The following OR1J4 variants were observed in gnomAD, a reference collection of about 807,000 sequenced individuals.
OR1J4 encodes the protein olfactory receptor family 1 subfamily J member 4.
For missense variants in OR1J4, 350 were observed against 371.1 expected, an observed-to-expected ratio of 0.94 and a Z score of 0.47; for synonymous variants, 154 against 152.6, an observed-to-expected ratio of 1.01 and a Z score of -0.07.
At position 122,519,188 on chromosome 9, in the gene OR1J4, C is replaced by A; in HGVS notation, c.48C>A (p.Asp16Glu). The stretch of plus-strand genomic sequence containing the variant: ...GTGTGTCTGAGTTCCTCCTCCTGGA[C>A]CTCCCCATCTGGCCAGAGCAGCAGG... ...QSSVSEFLLL[D>E]LPIWPEQQAV... Residue 16 changes from aspartate to glutamate, a missense_variant, in exon 1 of 1, where the codon GAC (aspartate) becomes GAA (glutamate). Coordinates refer to ENST00000340750, the MANE Select transcript of OR1J4 (RefSeq NM_001004452.1). The A allele has an allele frequency of 6.2e-7, 1 of 1,613,482 alleles. No homozygotes were observed. Among genetic ancestry groups the A allele is most frequent in the Non-Finnish European group, 8.5e-7 (1 of 1,179,558 alleles).
chr9:122,519,641 C>T lies in OR1J4; in HGVS notation c.501C>T (p.Ser167=), dbSNP rs1828749001. The T allele has an allele frequency of 6.2e-7, 1 of 1,614,152 alleles. No individual in the cohort carries two copies. The highest frequency in any genetic ancestry group is 8.5e-7 in the Non-Finnish European group (1 of 1,180,026). ...LSHTLLLAQL[S]FCADNTIPHF... is the part of the protein sequence containing the mutation. ...ACACTCTCCTCCTGGCCCAGCTGTC[C>T]TTTTGTGCTGACAACACCATCCCCC... The change falls in exon 1 of 1, where the codon TCC becomes TCT. Residue 167 remains serine (S), a synonymous_variant. Transcript: ENST00000340750.
chr9:122,519,750 C>T lies in OR1J4; in HGVS notation c.610C>T (p.Gln204Ter). The T allele has an allele frequency of 4.3e-6, 7 of 1,614,160 alleles. No individual in the cohort carries two copies. The highest frequency in any genetic ancestry group is 5.9e-6 in the Non-Finnish European group (7 of 1,180,006). The change falls in exon 1 of 1, where the codon CAG becomes TAG. Residue 204 changes from glutamine (Q) to a stop codon, truncating the protein, a stop_gained. Coordinates refer to ENST00000340750, the MANE Select transcript of OR1J4 (RefSeq NM_001004452.1). LOFTEE classifies it low-confidence loss of function (END_TRUNC). ...LNELVIFTVG[Q>*]AVITLPLICI... ...TGAGCTGGTCATTTTCACAGTGGGA[C>T]AGGCAGTCATTACTCTACCACTAAT...
At position 122,519,782 on chromosome 9, in the gene OR1J4, C is replaced by A. The variant is rs1195108062; in HGVS notation, c.642C>A (p.Ile214=). Residue 214 remains isoleucine (I), a synonymous_variant, in exon 1 of 1, where the codon ATC becomes ATA. Transcript: ENST00000340750. ...QAVITLPLIC[I]LISYGHIGVT... is the part of the protein sequence containing the mutation. ...TCATTACTCTACCACTAATATGCAT[C>A]TTGATCTCTTATGGCCACATTGGGG... 2.5e-6 allele frequency: 4 copies of A among 1,614,206 alleles called. No individual in the cohort carries two copies. The highest frequency in any genetic ancestry group is 3.4e-6 in the Non-Finnish European group (4 of 1,180,032).
Position 122,519,381 on chromosome 9 carries a change from A to T in OR1J4, c.241A>T (p.Met81Leu), listed in dbSNP as rs201245467. ...CCTTTCATCTGTCACTGTCCCAAAG[A>T]TGTTATTAAGCATGCAAACTCAGGA... The part of the protein sequence containing the change: ...ISLSSVTVPK[M>L]LLSMQTQDQS... The change falls in exon 1 of 1, where the codon ATG becomes TTG. Residue 81 changes from methionine (M) to leucine (L), a missense_variant. Met to Leu is a conservative substitution (Grantham distance 15). Coordinates refer to ENST00000340750, the MANE Select transcript of OR1J4 (RefSeq NM_001004452.1). 6 of 1,614,100 alleles carry T rather than the reference A, an allele frequency of 3.7e-6. No homozygotes were observed. The highest frequency in any genetic ancestry group is 2.7e-5 in the African/African-American group (2 of 75,006).
chr9:122,519,396 C>G lies in OR1J4; in HGVS notation c.256C>G (p.Gln86Glu). ...TGTCCCAAAGATGTTATTAAGCATG[C>G]AAACTCAGGATCAATCCATTCTTTA... Reference protein sequence around the residue: ...VTVPKMLLSMQTQDQSILYAG... With the variant: ...VTVPKMLLSMETQDQSILYAG... Residue 86 changes from glutamine (Q) to glutamate (E), a missense_variant, in exon 1 of 1, where the codon CAA becomes GAA. Coordinates refer to ENST00000340750, the MANE Select transcript of OR1J4 (RefSeq NM_001004452.1). 6.2e-7 allele frequency: 1 copy of G among 1,614,162 alleles called. No individual in the cohort carries two copies. The highest frequency in any genetic ancestry group is 8.5e-7 in the Non-Finnish European group (1 of 1,180,006).
At position 122,519,342 on chromosome 9, in the gene OR1J4, C is replaced by G; in HGVS notation, c.202C>G (p.Leu68Val). ...GTTCTTCTTCCTCAGCCACTTGGCT[C>G]TCACTGACATCTCCCTTTCATCTGT... ...PMFFFLSHLALTDISLSSVTV... is the reference protein window; with the variant it reads ...PMFFFLSHLAVTDISLSSVTV... Residue 68 changes from leucine to valine, a missense_variant, in exon 1 of 1, where the codon CTC (leucine) becomes GTC (valine). Transcript: ENST00000340750. 6.2e-7 allele frequency: 1 copy of G among 1,614,188 alleles called. No homozygotes were observed. Among genetic ancestry groups the G allele is most frequent in the Non-Finnish European group, 8.5e-7 (1 of 1,180,046 alleles).
Position 122,519,667 on chromosome 9 carries a change from A to G in OR1J4, c.527A>G (p.His176Arg). ...LSFCADNTIP[H>R]FFCDLVALLK... ...TTTTGTGCTGACAACACCATCCCCCATTTCTTCTGTGATCTTGTTGCCCTA... is the reference window on the plus strand; with the variant it reads ...TTTTGTGCTGACAACACCATCCCCCGTTTCTTCTGTGATCTTGTTGCCCTA... Residue 176 changes from histidine to arginine, a missense_variant, in exon 1 of 1, where the codon CAT becomes CGT. Transcript: ENST00000340750. The G allele has an allele frequency of 6.2e-7, 1 of 1,613,190 alleles. No individual in the cohort carries two copies. Among genetic ancestry groups the G allele is most frequent in the Non-Finnish European group, 8.5e-7 (1 of 1,179,820 alleles).
In OR1J4 at chr9:122,519,827, A is replaced by C. The variant is rs1828752437; in HGVS notation, c.687A>C (p.Pro229=). 3.1e-6 allele frequency: 5 copies of C among 1,614,106 alleles called. No individual in the cohort carries two copies. The highest frequency in any genetic ancestry group is 4.2e-6 in the Non-Finnish European group (5 of 1,180,030). Residue 229 remains proline (P), a synonymous_variant, in exon 1 of 1, where the codon CCA becomes CCC. Coordinates refer to ENST00000340750, the MANE Select transcript of OR1J4 (RefSeq NM_001004452.1). The part of the protein sequence containing the change: ...GHIGVTILKA[P]STKGIFKALS... ...TTGGGGTCACCATCCTCAAGGCTCC[A>C]TCTACTAAGGGCATCTTCAAAGCTT...
Position 122,519,819 on chromosome 9 carries a change from A to C in OR1J4, c.679A>C (p.Lys227Gln). The change falls in exon 1 of 1, where the codon AAG (lysine) becomes CAG (glutamine). Residue 227 changes from lysine (K) to glutamine (Q), a missense_variant. Coordinates refer to ENST00000340750, the MANE Select transcript of OR1J4 (RefSeq NM_001004452.1). ...SYGHIGVTILKAPSTKGIFKA... is the reference protein window; with the variant it reads ...SYGHIGVTILQAPSTKGIFKA... ...TGGCCACATTGGGGTCACCATCCTC[A>C]AGGCTCCATCTACTAAGGGCATCTT... The C allele has an allele frequency of 6.2e-7, 1 of 1,613,986 alleles. No homozygotes were observed. The highest frequency in any genetic ancestry group is 8.5e-7 in the Non-Finnish European group (1 of 1,179,972).
In OR1J4 at chr9:122,520,056, A is replaced by C. The variant is rs1564186319; in HGVS notation, c.916A>C (p.Asn306His). 1 of 1,612,774 alleles carries C rather than the reference A, an allele frequency of 6.2e-7. No homozygotes were observed. The highest frequency in any genetic ancestry group is 8.5e-7 in the Non-Finnish European group (1 of 1,178,906). Residue 306 changes from asparagine (N) to histidine (H), a missense_variant, in exon 1 of 1, where the codon AAC becomes CAC. Coordinates refer to ENST00000340750, the MANE Select transcript of OR1J4 (RefSeq NM_001004452.1). ...DIKGALERLF[N>H]RATVLSQ ...AAAGGGAGCCCTGGAGAGACTCTTC[A>C]ACAGGGCAACAGTCTTATCTCAATG...
Position 122,519,334 on chromosome 9 carries a change from A to G in OR1J4, c.194A>G (p.His65Arg), listed in dbSNP as rs766254723. Residue 65 changes from histidine to arginine, a missense_variant, in exon 1 of 1, where the codon CAC becomes CGC. Coordinates refer to ENST00000340750, the MANE Select transcript of OR1J4 (RefSeq NM_001004452.1). Reference sequence around the variant, plus strand: ...ACCCCCATGTTCTTCTTCCTCAGCCACTTGGCTCTCACTGACATCTCCCTT... The same window carrying G: ...ACCCCCATGTTCTTCTTCCTCAGCCGCTTGGCTCTCACTGACATCTCCCTT... ...LHTPMFFFLS[H>R]LALTDISLSS... 7 of 1,614,128 alleles carry G rather than the reference A, an allele frequency of 4.3e-6. No homozygotes were observed. In the Admixed American group the frequency reaches 5.0e-5, roughly 12 times the overall value.
chr9:122,519,298 C>A lies in OR1J4; in HGVS notation c.158C>A (p.Ser53Tyr). 1 of 1,614,074 alleles carries A rather than the reference C, an allele frequency of 6.2e-7. No homozygotes were observed. The highest frequency in any genetic ancestry group is 8.5e-7 in the Non-Finnish European group (1 of 1,180,036). The part of the protein sequence containing the change: ...LLIILLIRLD[S>Y]HLHTPMFFFL... ...ATCATCCTGCTCATCCGGCTGGACT[C>A]TCACCTTCACACCCCCATGTTCTTC... The change falls in exon 1 of 1, where the codon TCT (serine) becomes TAT (tyrosine). Residue 53 changes from serine (S) to tyrosine (Y), a missense_variant. Coordinates refer to ENST00000340750, the MANE Select transcript of OR1J4 (RefSeq NM_001004452.1).
chr9:122,519,406 A>C lies in OR1J4; in HGVS notation c.266A>C (p.Asp89Ala). The C allele has an allele frequency of 6.2e-7, 1 of 1,614,168 alleles. No homozygotes were observed. Residue 89 changes from aspartate to alanine, a missense_variant, in exon 1 of 1, where the codon GAT (aspartate) becomes GCT (alanine). Coordinates refer to ENST00000340750, the MANE Select transcript of OR1J4 (RefSeq NM_001004452.1). The stretch of plus-strand genomic sequence containing the variant: ...ATGTTATTAAGCATGCAAACTCAGG[A>C]TCAATCCATTCTTTATGCAGGGTGT... ...PKMLLSMQTQ[D>A]QSILYAGCVT... is the part of the protein sequence containing the mutation.
At position 122,519,739 on chromosome 9, in the gene OR1J4, T is replaced by G. The variant is rs1259874677; in HGVS notation, c.599T>G (p.Phe200Cys). Residue 200 changes from phenylalanine to cysteine, a missense_variant, in exon 1 of 1, where the codon TTC becomes TGC. Phe to Cys is a radical substitution (Grantham distance 205, BLOSUM62 -2). Coordinates refer to ENST00000340750, the MANE Select transcript of OR1J4 (RefSeq NM_001004452.1). ...ATCTCCCTCAATGAGCTGGTCATTTTCACAGTGGGACAGGCAGTCATTACT... is the reference window on the plus strand; with the variant it reads ...ATCTCCCTCAATGAGCTGGTCATTTGCACAGTGGGACAGGCAGTCATTACT... ...SDISLNELVIFTVGQAVITLP... is the reference protein window; with the variant it reads ...SDISLNELVICTVGQAVITLP... The G allele has an allele frequency of 6.2e-7, 1 of 1,614,080 alleles. No individual in the cohort carries two copies. The highest frequency in any genetic ancestry group is 8.5e-7 in the Non-Finnish European group (1 of 1,180,046).
In OR1J4 at chr9:122,519,787, T is replaced by C; in HGVS notation, c.647T>C (p.Ile216Thr). 6.2e-7 allele frequency: 1 copy of C among 1,614,174 alleles called. No homozygotes were observed. The highest frequency in any genetic ancestry group is 8.5e-7 in the Non-Finnish European group (1 of 1,180,026). The stretch of plus-strand genomic sequence containing the variant: ...ACTCTACCACTAATATGCATCTTGA[T>C]CTCTTATGGCCACATTGGGGTCACC... ...VITLPLICIL[I>T]SYGHIGVTIL... Residue 216 changes from isoleucine to threonine, a missense_variant, in exon 1 of 1, where the codon ATC (isoleucine) becomes ACC (threonine). Ile to Thr is a moderately conservative substitution (Grantham distance 89, BLOSUM62 -1). Coordinates refer to ENST00000340750, the MANE Select transcript of OR1J4 (RefSeq NM_001004452.1).
rs1452575338 is a variant in OR1J4, at chr9:122,520,012, G to A, written c.872G>A (p.Ser291Asn). The change falls in exon 1 of 1, where the codon AGC becomes AAC. Residue 291 changes from serine to asparagine, a missense_variant. By Grantham distance (46) the Ser-to-Asn change is conservative. Coordinates refer to ENST00000340750, the MANE Select transcript of OR1J4 (RefSeq NM_001004452.1). ...CCATTGCTGAATCCCTTCATTTATA[G>A]CCTAAGGAACAGGGACATAAAGGGA... The part of the protein sequence containing the change: ...ITPLLNPFIY[S>N]LRNRDIKGAL... 3.1e-6 allele frequency: 5 copies of A among 1,614,028 alleles called. No homozygotes were observed. The highest frequency in any genetic ancestry group is 4.2e-6 in the Non-Finnish European group (5 of 1,180,034).
chr9:122,519,800 C>T lies in OR1J4; in HGVS notation c.660C>T (p.His220=). The T allele has an allele frequency of 6.2e-7, 1 of 1,614,196 alleles. No homozygotes were observed. The part of the protein sequence containing the change: ...PLICILISYG[H]IGVTILKAPS... The stretch of plus-strand genomic sequence containing the variant: ...TATGCATCTTGATCTCTTATGGCCA[C>T]ATTGGGGTCACCATCCTCAAGGCTC... The change falls in exon 1 of 1, where the codon CAC becomes CAT. Residue 220 remains histidine (H), a synonymous_variant. Transcript: ENST00000340750.
rs145918200 is a variant in OR1J4, at chr9:122,519,720, C to T, written c.580C>T (p.Leu194Phe). 0.011 allele frequency: 17,237 copies of T among 1,614,120 alleles called. 138 individuals carry two copies. The highest frequency in any genetic ancestry group is 0.013 in the Non-Finnish European group (15,613 of 1,180,000). The change falls in exon 1 of 1, where the codon CTC becomes TTC. Residue 194 changes from leucine (L) to phenylalanine (F), a missense_variant. Transcript: ENST00000340750. The part of the protein sequence containing the change: ...LLKLSCSDIS[L>F]NELVIFTVGQ... ...CAAGCTCTCATGCTCAGACATCTCC[C>T]TCAATGAGCTGGTCATTTTCACAGT...
chr9:122,519,541 C>G lies in OR1J4; in HGVS notation c.401C>G (p.Thr134Ser), dbSNP rs376214029. The G allele has an allele frequency of 5.7e-5, 92 of 1,614,054 alleles. No homozygotes were observed. The highest frequency in any genetic ancestry group is 7.7e-5 in the Non-Finnish European group (91 of 1,180,038). Reference protein sequence around the residue: ...VAICHPLRYTTIMKEGLCNLL... With the variant: ...VAICHPLRYTSIMKEGLCNLL... The stretch of plus-strand genomic sequence containing the variant: ...ATCTGTCACCCCCTCCGCTACACCA[C>G]TATCATGAAAGAGGGACTGTGTAAC... Residue 134 changes from threonine (T) to serine (S), a missense_variant, in exon 1 of 1, where the codon ACT (threonine) becomes AGT (serine). Transcript: ENST00000340750.
Sources: gnomAD v4.1 joint callset for allele counts on GRCh38, gnomAD v4.1.1 for gene constraint, MANE v1.5 for transcripts, NCBI Gene and HGNC (gene_info 2026-07-23, HGNC 2026-07-21) for gene names.